The following NAA60 variants were observed in gnomAD, a reference collection of about 807,000 sequenced individuals.
NAA60 encodes the protein N-alpha-acetyltransferase 60.
Under a neutral mutation model 26.1 loss-of-function variants are expected in NAA60, and 8 were observed. That is an observed-to-expected ratio of 0.31 (90% CI 0.18 to 0.55). The LOEUF (loss-of-function observed/expected upper bound fraction) is 0.55, where lower values mean the gene tolerates loss of function less well. NAA60 is among the 20% of genes least tolerant of loss of function. The probability of loss-of-function intolerance (pLI) is 0.93; values close to 1 mark genes in which losing one functional copy is unlikely to be tolerated. For synonymous variants in NAA60, 131 were observed against 122.5 expected, an observed-to-expected ratio of 1.07 and a Z score of -0.46; for missense variants, 290 against 311.3, an observed-to-expected ratio of 0.93 and a Z score of 0.51.
chr16:3,460,310 T>C (rs37839), intron 2 of NAA60, among the ~76,000 whole-genome samples: 20,150 of 152,234 alleles, frequency 0.13, 1,704 homozygotes, highest in Non-Finnish European at 0.19. Flanking sequence ...CCATCTCTTT[T>C]TGGAAGGAAT....
At chr16:3,479,946 A>G (rs924225866) in intron 4 of NAA60, among the ~76,000 whole-genome samples, 1 of 152,330 alleles carries the variant, frequency 6.6e-6, no homozygotes, top group African/African-American at 2.4e-5. Flanking sequence ...GAAACCGCTA[A>G]GACTGCTTCA....
intron 6 of NAA60, 63 bp downstream of exon 6, chr16:3,483,660 G>A: frequency 7.9e-7 from 1 of 1,260,498 alleles, no homozygotes; most frequent in Non-Finnish European, 1.1e-6. Flanking sequence ...CAGAGCCAGT[G>A]AGCAAGTTGG....
At chr16:3,481,749 T>C (rs2036851198) in intron 4 of NAA60, among the ~76,000 whole-genome samples, 1 of 151,616 alleles carries the variant, frequency 6.6e-6, no homozygotes, top group Non-Finnish European at 1.5e-5. Context: ...GTAACAAGAG[T>C]GATAAGGACG....
intron 2 of NAA60, among the ~76,000 whole-genome samples, chr16:3,474,291 G>A (rs1220067779): frequency 6.6e-6 from 1 of 152,230 alleles, no homozygotes; most frequent in Non-Finnish European, 1.5e-5. Context: ...GCTGGACTGA[G>A]CCAAGTATCA....
chr16:3,473,746 GTTT>G (rs200487332), intron 2 of NAA60, among the ~76,000 whole-genome samples: 6,193 of 141,496 alleles, frequency 0.044, 408 homozygotes, highest in African/African-American at 0.16. Flanking sequence ...TGTTGTTGTT[GTTT>G]TTTGAGATGG....
intron 2 of NAA60, among the ~76,000 whole-genome samples, chr16:3,450,389 T>C (rs2034727948): frequency 2.6e-5 from 4 of 152,142 alleles, no homozygotes. Context: ...TGTGGATTTC[T>C]TTCTGGGTGA....
rs185733828 is a variant in NAA60 at position 3,476,423 on chromosome 16, C to T, written c.110+86C>T. ...CGGCGGGGGTGGGGGCCTCTTGGGC[C>T]CTTAGGACCGTGCTGCAAAGATGGG... On this transcript the variant is annotated intron_variant, in intron 3 of 7. Coordinates refer to ENST00000407558, the MANE Select transcript of NAA60 (RefSeq NM_001083601.3). 1,288 of 1,123,446 alleles carry T rather than the reference C, an allele frequency of 1.1e-3. 3 individuals carry two copies. The highest frequency in any genetic ancestry group is 2.4e-3 in the Admixed American group (111 of 46,552). The allele number at this position is 1,123,446 out of a possible 1,614,324, so 69.6% of individuals were successfully genotyped here. A position where few individuals can be genotyped will look rare whatever the true frequency, so the allele number is the denominator to read the frequency against.
chr16:3,484,606 C>T (rs897553367), intron 6 of NAA60, 93 bp from the exon 7 acceptor site: 3 of 1,487,796 alleles, frequency 2.0e-6, no homozygotes, highest in Non-Finnish European at 2.7e-6. Flanking sequence ...GCCATCTGCA[C>T]ACAGTCCCAC....
At chr16:3,475,987 G>A (rs1263516817) in intron 2 of NAA60, among the ~76,000 whole-genome samples, 1 of 152,254 alleles carries the variant, frequency 6.6e-6, no homozygotes, top group Non-Finnish European at 1.5e-5. Context: ...CTGAGCAGTG[G>A]AGGGCCTGGT....
chr16:3,461,378 G>C, intron 2 of NAA60, among the ~76,000 whole-genome samples: 1 of 152,140 alleles, frequency 6.6e-6, no homozygotes, highest in Admixed American at 6.6e-5. Context: ...AGAGGTGCCA[G>C]TCACCCCAAG....
chr16:3,458,313 G>A (rs1048089933), intron 2 of NAA60: 2 of 473,764 alleles, frequency 4.2e-6, no homozygotes, highest in East Asian at 1.5e-4. Flanking sequence ...GGTGAGGCAG[G>A]CCCGGCCGCG....
chr16:3,456,486 T>A (rs1362036532), intron 2 of NAA60, among the ~76,000 whole-genome samples: 1 of 152,046 alleles, frequency 6.6e-6, no homozygotes. Flanking sequence ...ATTTCAAACC[T>A]CCTCAATTTT....
intron 2 of NAA60, among the ~76,000 whole-genome samples, chr16:3,457,492 C>T (rs905113722): frequency 6.6e-6 from 1 of 152,190 alleles, no homozygotes; most frequent in Non-Finnish European, 1.5e-5. Context: ...CCCCTACAAC[C>T]GGAGGGCAGC....
At chr16:3,473,437 G>A (rs778558509) in intron 2 of NAA60, among the ~76,000 whole-genome samples, 10 of 152,174 alleles carry the variant, frequency 6.6e-5, no homozygotes, top group Non-Finnish European at 1.3e-4. Flanking sequence ...ATCAGGTCTC[G>A]TGGGACTTAT....
intron 1 of NAA60, among the ~76,000 whole-genome samples, chr16:3,444,882 C>A (rs913232305): frequency 4.6e-5 from 7 of 152,154 alleles, no homozygotes; most frequent in African/African-American, 1.7e-4. Context: ...TGCTTCAGCC[C>A]CTGTCACTAG....
chr16:3,473,305 C>G (rs1239960031), intron 2 of NAA60, among the ~76,000 whole-genome samples: 6 of 152,146 alleles, frequency 3.9e-5, no homozygotes, highest in Admixed American at 3.9e-4. Flanking sequence ...GTTTAATGGA[C>G]TCACGGTTGT....
At chr16:3,479,347 C>T in intron 3 of NAA60, 124 bp from the exon 4 acceptor site, 2 of 951,022 alleles carry the variant, frequency 2.1e-6, no homozygotes, top group Non-Finnish European at 3.2e-6. Context: ...TGGGCACACT[C>T]CTCGGCAGCC....
chr16:3,447,958 C>G (rs1567359902), intron 1 of NAA60, among the ~76,000 whole-genome samples: 1 of 152,248 alleles, frequency 6.6e-6, no homozygotes, highest in East Asian at 1.9e-4. Flanking sequence ...CAACAGAATT[C>G]TTTTTCAGTC....
intron 2 of NAA60, among the ~76,000 whole-genome samples, chr16:3,455,674 C>T (rs1017329818): frequency 1.3e-5 from 2 of 151,982 alleles, no homozygotes; most frequent in Non-Finnish European, 2.9e-5. Context: ...GGATTACAGG[C>T]GTGAGCCACT....
Sources: allele counts gnomAD v4.1 joint callset (sites outside exome capture counted in the v4.1 genomes callset), GRCh38; gene constraint gnomAD v4.1.1; transcripts MANE v1.5; gene names NCBI Gene and HGNC (gene_info 2026-07-23, HGNC 2026-07-21).